The following MTA3 variants were observed in gnomAD, a reference collection of about 807,000 sequenced individuals.
MTA3 encodes metastasis-associated protein MTA3.
A neutral mutation model predicts 83.5 loss-of-function variants in MTA3; 34 were observed. The ratio of observed to expected loss-of-function variants is 0.41; its 90% CI spans 0.31 to 0.54. MTA3 has a LOEUF of 0.54. Among genes scored for constraint, MTA3 ranks in the 20% least tolerant of loss-of-function variants. The pLI, the probability that MTA3 is intolerant of heterozygous loss-of-function variation, is 0.33. For missense variants in MTA3, 761 were observed against 726.4 expected, an observed-to-expected ratio of 1.05 and a Z score of -0.55; for synonymous variants, 303 against 252.7, an observed-to-expected ratio of 1.20 and a Z score of -1.89.
intron 4 of MTA3, among the ~76,000 whole-genome samples, chr2:42,629,429 C>A (rs1686455788): frequency 6.6e-6 from 1 of 152,000 alleles, no homozygotes; most frequent in African/African-American, 2.4e-5. Flanking sequence ...TTATGACATG[C>A]CCTCTTGCTT....
At chr2:42,596,453 T>C (rs1295019285) in intron 3 of MTA3, among the ~76,000 whole-genome samples, 1 of 152,250 alleles carries the variant, frequency 6.6e-6, no homozygotes, top group Non-Finnish European at 1.5e-5. Flanking sequence ...GTAAGTGACA[T>C]TTTGTAATTG....
intron 2 of MTA3, among the ~76,000 whole-genome samples, chr2:42,530,043 G>A (rs1258339495): frequency 6.6e-6 from 1 of 151,758 alleles, no homozygotes; most frequent in African/African-American, 2.4e-5. Context: ...AAATTAGCCG[G>A]GCGTGGTGGT....
At chr2:42,753,189 A>T (rs1052412275) in intron 16 of MTA3, among the ~76,000 whole-genome samples, 185 bp from the exon 17 acceptor site, 4 of 152,184 alleles carry the variant, frequency 2.6e-5, no homozygotes, top group African/African-American at 7.2e-5. Flanking sequence ...TTGGCCTCTC[A>T]AAGTGCTGGG....
chr2:42,510,094 G>A (rs1258069312), intron 2 of MTA3, among the ~76,000 whole-genome samples: 1 of 152,266 alleles, frequency 6.6e-6, no homozygotes, highest in African/African-American at 2.4e-5. Flanking sequence ...GGGGGGCCAA[G>A]GTGGATGGAT....
chr2:42,507,363 G>T (rs565527246), intron 2 of MTA3, among the ~76,000 whole-genome samples: 5 of 151,838 alleles, frequency 3.3e-5, no homozygotes, highest in Admixed American at 3.3e-4. Context: ...ATAGAGATGG[G>T]GGTCTCACTA....
intron 6 of MTA3, among the ~76,000 whole-genome samples, chr2:42,651,159 C>G (rs1270838341): frequency 6.6e-6 from 1 of 152,136 alleles, no homozygotes; most frequent in African/African-American, 2.4e-5. Context: ...TGTAAAAATA[C>G]AGTAAAAAGA....
At chr2:42,527,825 A>G (rs1675786295) in intron 2 of MTA3, among the ~76,000 whole-genome samples, 2 of 120,298 alleles carry the variant, frequency 1.7e-5, no homozygotes, top group East Asian at 2.0e-4. Flanking sequence ...TCATGTCTTT[A>G]AAAAAAAAAA....
chr2:42,620,276 G>A (rs553001544), intron 4 of MTA3, among the ~76,000 whole-genome samples: 1 of 151,998 alleles, frequency 6.6e-6, no homozygotes, highest in South Asian at 2.1e-4. Flanking sequence ...GCACTGCCAC[G>A]CCTGGCTTAT....
chr2:42,703,695 C>T (rs1435822285), intron 11 of MTA3: 1 of 153,344 alleles, frequency 6.5e-6, no homozygotes, highest in Non-Finnish European at 1.5e-5. Flanking sequence ...TCAAGACCAT[C>T]TTGGCTAACA....
chr2:42,577,105 A>AAAAAAAAATATATATATAT (rs1211189566), intron 2 of MTA3, among the ~76,000 whole-genome samples: 2 of 86,948 alleles, frequency 2.3e-5, no homozygotes, highest in African/African-American at 1.1e-4. Context: ...AAAAAAAAAA[A>AAAAAAAAATATATATATAT]ATATATATAT....
intron 2 of MTA3, among the ~76,000 whole-genome samples, chr2:42,508,425 G>A (rs1169441070): frequency 6.6e-6 from 1 of 151,696 alleles, no homozygotes; most frequent in African/African-American, 2.4e-5. Context: ...TCAACCTCCT[G>A]GGCTCAAGCG....
intron 2 of MTA3, among the ~76,000 whole-genome samples, chr2:42,513,460 C>A (rs1181041265): frequency 6.6e-6 from 1 of 152,138 alleles, no homozygotes; most frequent in East Asian, 1.9e-4. Context: ...AATGACTTCA[C>A]CCAGGAAAAG....
At chr2:42,513,561 C>T (rs1674996609) in intron 2 of MTA3, among the ~76,000 whole-genome samples, 1 of 152,180 alleles carries the variant, frequency 6.6e-6, no homozygotes, top group Admixed American at 6.6e-5. Context: ...AGAGACCCAG[C>T]TCCATGGAAT....
chr2:42,729,564 C>T (rs1668106242), intron 16 of MTA3, among the ~76,000 whole-genome samples: 7 of 152,122 alleles, frequency 4.6e-5, no homozygotes, highest in Admixed American at 4.6e-4. Flanking sequence ...GTTCTTGGCA[C>T]CATTGTTTTA....
chr2:42,747,011 T>G (rs1015221162), intron 16 of MTA3, among the ~76,000 whole-genome samples: 5 of 152,100 alleles, frequency 3.3e-5, no homozygotes, highest in Non-Finnish European at 2.9e-5. Flanking sequence ...ATTTTGTTTT[T>G]TTTTTTTTGA....
intron 2 of MTA3, among the ~76,000 whole-genome samples, chr2:42,538,758 G>GTT (rs148683210): frequency 4.6e-4 from 59 of 129,086 alleles, no homozygotes; most frequent in African/African-American, 7.3e-4. Flanking sequence ...AGAAAAAAAT[G>GTT]TTTTTTTTGT....
At chr2:42,681,008 G>T (rs990423050) in intron 8 of MTA3, among the ~76,000 whole-genome samples, 3 of 152,208 alleles carry the variant, frequency 2.0e-5, no homozygotes, top group African/African-American at 7.2e-5. Context: ...CTTCCAAAGT[G>T]TGATTATAGG....
intron 8 of MTA3, among the ~76,000 whole-genome samples, chr2:42,672,066 A>G (rs1690846913): frequency 6.6e-6 from 1 of 152,202 alleles, no homozygotes; most frequent in Non-Finnish European, 1.5e-5. Context: ...AGTTGTTTTC[A>G]CATATTTGTC....
At chr2:42,499,372 G>A (rs1407477407) in intron 2 of MTA3, among the ~76,000 whole-genome samples, 1 of 151,502 alleles carries the variant, frequency 6.6e-6, no homozygotes, top group East Asian at 2.0e-4. Flanking sequence ...CTCCATGTTG[G>A]TCAGGCTGGT....
Sources: gnomAD v4.1 joint callset for allele counts (sites outside exome capture counted in the v4.1 genomes callset) on GRCh38, gnomAD v4.1.1 for gene constraint, MANE v1.5 for transcripts, NCBI Gene and HGNC (gene_info 2026-07-23, HGNC 2026-07-21) for gene names.